The following AGBL1 variants were observed in gnomAD, a reference collection of about 807,000 sequenced individuals.
The protein encoded by AGBL1 is cytosolic carboxypeptidase 4.
In AGBL1, 130 loss-of-function variants were observed where a neutral mutation model predicts 118.9. The observed-to-expected ratio is 1.09, with a 90% CI of 0.95 to 1.26. The LOEUF is 1.26. Among genes scored for constraint, AGBL1 ranks in the 50% most tolerant of loss-of-function variants. AGBL1 has a pLI of 0.00. For missense variants in AGBL1, 1,584 were observed against 1,298.1 expected (o/e 1.22, Z -3.38); for synonymous variants, 555 against 478.9 (o/e 1.16, Z -2.08).
intron 24 of AGBL1, among the ~76,000 whole-genome samples, chr15:86,998,676 G>T (rs959210870): frequency 6.6e-6 from 1 of 152,136 alleles, no homozygotes; most frequent in Non-Finnish European, 1.5e-5. Flanking sequence ...ACAAGGGAAT[G>T]GGCAGCTGAT....
rs147393504 is a variant in AGBL1, at chr15:86,921,448, G to A, written c.3222-66539G>A. Among the ~76,000 whole-genome samples the A allele has an allele frequency of 4.8e-3, 732 of 152,274 alleles. 5 individuals carry two copies. Among genetic ancestry groups the A allele is most frequent in the African/African-American group, 0.017 (704 of 41,532 alleles). On this transcript the variant is annotated intron_variant, in intron 23 of 24. Transcript: ENST00000441037. Reference sequence around the variant, plus strand: ...AAGATGTAATTTTTAGTTTCTATAGGGAACCAAACATCTCATGACTCTAGC... The same window carrying A: ...AAGATGTAATTTTTAGTTTCTATAGAGAACCAAACATCTCATGACTCTAGC...
At chr15:86,430,489 CAAA>C (rs556112771) in intron 18 of AGBL1, among the ~76,000 whole-genome samples, 5 of 85,252 alleles carry the variant, frequency 5.9e-5, no homozygotes, top group Admixed American at 1.3e-4. Context: ...AGCGCCGTCG[CAAA>C]AAAAAAAAAA....
chr15:86,848,663 A>G (rs544821263), intron 22 of AGBL1, among the ~76,000 whole-genome samples: 14 of 152,298 alleles, frequency 9.2e-5, no homozygotes, highest in African/African-American at 3.1e-4. Flanking sequence ...AATAGGCAGC[A>G]ATGAGAGTTG....
intron 18 of AGBL1, among the ~76,000 whole-genome samples, chr15:86,445,237 G>A (rs1265056011): frequency 1.3e-5 from 2 of 152,238 alleles, no homozygotes; most frequent in Non-Finnish European, 2.9e-5. Context: ...TAGCAAGTCA[G>A]CCATGAGGAT....
At chr15:86,885,467 T>C (rs966163214) in intron 22 of AGBL1, among the ~76,000 whole-genome samples, 1 of 152,174 alleles carries the variant, frequency 6.6e-6, no homozygotes, top group Admixed American at 6.5e-5. Context: ...ATACGTTGAT[T>C]ATTTACCTAC....
chr15:86,703,558 G>T (rs1331342734), intron 22 of AGBL1, among the ~76,000 whole-genome samples: 1 of 152,008 alleles, frequency 6.6e-6, no homozygotes, highest in Non-Finnish European at 1.5e-5. Flanking sequence ...TTTCTGTTAC[G>T]GTTTGTCTCT....
rs2081768974 is a variant in AGBL1 at position 86,420,282 on chromosome 15, C to A, written c.2555+22736C>A. ...TCCAGAGGAAGGAACAGGCAGCAAT[C>A]TTTGCTGTTCTGCAGCCTCTGCTGG... is the stretch of plus-strand genomic sequence containing the variant. On this transcript the variant is annotated intron_variant, in intron 18 of 22. Transcript: ENST00000614907. Among the ~76,000 whole-genome samples, 6 of 152,252 alleles carry A rather than the reference C, an allele frequency of 3.9e-5. No homozygotes were observed. The South Asian group carries it at 1.2e-3, about 32-fold the overall frequency.
downstream of AGBL1, among the ~76,000 whole-genome samples, chr15:86,917,101 G>T (rs2080434068): frequency 1.3e-5 from 2 of 152,202 alleles, no homozygotes; most frequent in Non-Finnish European, 2.9e-5. The surrounding 1 kb of genome is among the most constrained non-coding windows in gnomAD (Gnocchi z 4.8). Flanking sequence ...CCTGCTAGGT[G>T]CTGCACTGGT....
chr15:86,925,182 AGAGG>A (rs1567242991), intron 23 of AGBL1, among the ~76,000 whole-genome samples: 1 of 55,160 alleles, frequency 1.8e-5, no homozygotes, highest in African/African-American at 7.5e-5. Context: ...AGGAAGAGGA[AGAGG>A]AAGAAAAGAA....
chr15:86,862,361 C>T (rs2079570628), intron 22 of AGBL1, among the ~76,000 whole-genome samples: 1 of 152,148 alleles, frequency 6.6e-6, no homozygotes, highest in African/African-American at 2.4e-5. Context: ...ATGATATTAG[C>T]CCAAGGGTGC....
chr15:86,894,157 TCCATGTATTTC>T (rs2080090065), intron 22 of AGBL1, among the ~76,000 whole-genome samples: 1 of 152,202 alleles, frequency 6.6e-6, no homozygotes, highest in South Asian at 2.1e-4. Context: ...AGGTGTTTTC[TCCATGTATTTC>T]CCACATCTCA....
chr15:86,925,148 AGGAGG>A (rs2080520238), intron 23 of AGBL1, among the ~76,000 whole-genome samples: 1 of 124,906 alleles, frequency 8.0e-6, no homozygotes, highest in Non-Finnish European at 1.6e-5. Context: ...GAGGAAGAGG[AGGAGG>A]AGGAGGAGGA....
intron 17 of AGBL1, among the ~76,000 whole-genome samples, chr15:86,327,907 C>T (rs555708325): frequency 6.6e-6 from 1 of 152,254 alleles, no homozygotes; most frequent in South Asian, 2.1e-4. Context: ...TCCTGAGTTG[C>T]TCCAGGCAGT....
chr15:86,724,696 G>A (rs2086792673), intron 22 of AGBL1, among the ~76,000 whole-genome samples: 1 of 152,160 alleles, frequency 6.6e-6, no homozygotes, highest in South Asian at 2.1e-4. Flanking sequence ...GATGGGGCCT[G>A]GTGGGAGGTG....
intron 17 of AGBL1, among the ~76,000 whole-genome samples, chr15:86,331,669 C>T (rs1216481025): frequency 3.3e-5 from 5 of 152,162 alleles, no homozygotes; most frequent in African/African-American, 1.2e-4. Flanking sequence ...AAAGAAATGC[C>T]AACCTAGAAT....
intron 1 of AGBL1, among the ~76,000 whole-genome samples, chr15:86,113,835 A>C (rs1025300906): frequency 6.6e-6 from 1 of 152,208 alleles, no homozygotes; most frequent in African/African-American, 2.4e-5. Flanking sequence ...GCCCTTCCTC[A>C]AACTTGCTAG....
chr15:86,674,408 G>A lies in AGBL1; in HGVS notation c.3130G>A (p.Glu1044Lys). 6.2e-7 allele frequency: 1 copy of A among 1,612,648 alleles called. No individual in the cohort carries two copies. The highest frequency in any genetic ancestry group is 8.5e-7 in the Non-Finnish European group (1 of 1,179,146). ...AGCTGCAACTCTGCTGAGTGCTGAG[G>A]AGGACGCTCTGGACCAGCACCTCCA... Reference protein sequence around the residue: ...AQAATLLSAEEDALDQHLQRC... With the variant: ...AQAATLLSAEKDALDQHLQRC... Residue 1044 changes from glutamate (E) to lysine (K), a missense_variant, in exon 22 of 23, where the codon GAG becomes AAG. Glu to Lys is a moderately conservative substitution (Grantham distance 56). Transcript: ENST00000614907.
chr15:86,772,266 C>G (rs904898639), intron 22 of AGBL1, among the ~76,000 whole-genome samples: 3 of 152,048 alleles, frequency 2.0e-5, no homozygotes, highest in African/African-American at 7.2e-5. Context: ...CCTCATTACC[C>G]TCTGCTGATC....
chr15:86,919,714 G>A (rs1438622662), downstream of AGBL1, among the ~76,000 whole-genome samples: 1 of 152,154 alleles, frequency 6.6e-6, no homozygotes, highest in Non-Finnish European at 1.5e-5. Flanking sequence ...TTTGTGGTAA[G>A]AGGAAGATTA....
Sources: gnomAD v4.1 joint callset for allele counts (sites outside exome capture counted in the v4.1 genomes callset) on GRCh38, gnomAD v4.1.1 for gene constraint, Gnocchi (gnomAD v3.1) non-coding constraint, MANE v1.5 for transcripts, NCBI Gene and HGNC (gene_info 2026-07-23, HGNC 2026-07-21) for gene names.